TMPRSS11F: variants seen among roughly 807,000 people sequenced by gnomAD.
TMPRSS11F encodes transmembrane protease serine 11F.
In TMPRSS11F, 47 loss-of-function variants were observed where a neutral mutation model predicts 60.2. The observed-to-expected ratio is 0.78, with a 90% CI of 0.62 to 1.00. The LOEUF is 1.00. Ranked by LOEUF, TMPRSS11F falls within the 50% of genes least tolerant of loss-of-function variation. The probability of loss-of-function intolerance (pLI) is 0.00; values close to 1 mark genes in which losing one functional copy is unlikely to be tolerated. For synonymous variants in TMPRSS11F, 166 were observed against 167.3 expected (o/e 0.99, Z 0.06); for missense variants, 519 against 522.9 (o/e 0.99, Z 0.07).
intron 2 of TMPRSS11F, among the ~76,000 whole-genome samples, chr4:68,097,315 C>T (rs564399508): frequency 5.3e-5 from 8 of 152,178 alleles, no homozygotes; most frequent in Non-Finnish European, 1.0e-4. Flanking sequence ...AGAGCTGGTT[C>T]CTTCTAGACG....
chr4:68,116,760 T>A (rs1407739643), intron 1 of TMPRSS11F, among the ~76,000 whole-genome samples: 1 of 152,160 alleles, frequency 6.6e-6, no homozygotes, highest in Non-Finnish European at 1.5e-5. Flanking sequence ...GTGTCCTCAA[T>A]AAAGAGTATT....
At chr4:68,093,557 T>C (rs992267972) in intron 2 of TMPRSS11F, among the ~76,000 whole-genome samples, 68 of 151,920 alleles carry the variant, frequency 4.5e-4, no homozygotes, top group Non-Finnish European at 9.0e-4. Flanking sequence ...TGGGATCTAA[T>C]TAAACTAAAG....
chr4:68,129,520 T>C (rs1577941720), intron 1 of TMPRSS11F, among the ~76,000 whole-genome samples: 2 of 152,140 alleles, frequency 1.3e-5, no homozygotes, highest in South Asian at 4.1e-4. Flanking sequence ...TTCTTTGAAG[T>C]GTAGGTTTTA....
rs1438391 is a variant in TMPRSS11F at position 68,072,467 on chromosome 4, C to A, written c.370G>T (p.Asp124Tyr). The A allele has an allele frequency of 1.9e-6, 3 of 1,560,694 alleles. No homozygotes were observed. The highest frequency in any genetic ancestry group is 1.2e-5 in the South Asian group (1 of 81,250). Reference protein sequence around the residue: ...IKLSPDEQGVDILIVLIFRYP... With the variant: ...IKLSPDEQGVYILIVLIFRYP... ...CGAAATATGAGCACTATAAGAATAT[C>A]CACACCTTGTTCATCTGGACTGAAG... Residue 124 changes from aspartate to tyrosine, a missense_variant, in exon 5 of 10, where the codon GAT (aspartate) becomes TAT (tyrosine). Physicochemically the swap from Asp to Tyr is radical, Grantham distance 160 (BLOSUM62 -3). Transcript: ENST00000356291.
At chr4:68,108,634 C>T (rs1724348492) in intron 1 of TMPRSS11F, among the ~76,000 whole-genome samples, 1 of 152,156 alleles carries the variant, frequency 6.6e-6, no homozygotes, top group Non-Finnish European at 1.5e-5. Context: ...CTTCATTTTT[C>T]TAATGTCACC....
Position 68,060,598 on chromosome 4 carries a change from C to CTTT in TMPRSS11F, c.1016-1131_1016-1130insAAA, listed in dbSNP as rs1410291699. Among the ~76,000 whole-genome samples the CTTT allele has an allele frequency of 2.4e-3, 317 of 133,192 alleles. 1 individual carries two copies. Among genetic ancestry groups the CTTT allele is most frequent in the African/African-American group, 8.4e-3 (312 of 37,044 alleles). The allele number at this position is 133,192 out of a possible 152,430, so 87.4% of individuals were successfully genotyped here. On this transcript the variant is annotated intron_variant, in intron 8 of 9. Transcript: ENST00000356291. The stretch of plus-strand genomic sequence containing the variant: ...ATCCTTGACAGAAACATAAGTATCT[C>CTTT]TCTTTTTTTTTTTCAGGTTCTAATT...
chr4:68,072,747 T>C (rs1723506817), intron 4 of TMPRSS11F, among the ~76,000 whole-genome samples: 2 of 152,140 alleles, frequency 1.3e-5, no homozygotes, highest in South Asian at 4.1e-4. Flanking sequence ...CTGTCCTTAC[T>C]TAGCTCATAG....
Position 68,129,662 on chromosome 4 carries a change from T to C in TMPRSS11F, c.11+148A>G, listed in dbSNP as rs1417976360. 11 of 647,454 alleles carry C rather than the reference T, an allele frequency of 1.7e-5. No individual in the cohort carries two copies. In the Middle Eastern group the frequency reaches 9.9e-4, roughly 58 times the overall value. The allele number at this position is 647,454 out of a possible 1,614,324, so 40.1% of individuals were successfully genotyped here. On this transcript the variant is annotated intron_variant, in intron 1 of 9. Transcript: ENST00000356291. ...TTCTGATATTTAAAAACAACAACAA[T>C]AAAACTTTAATATAAAATACAATAA... is the stretch of plus-strand genomic sequence containing the variant.
At position 68,064,669 on chromosome 4, in the gene TMPRSS11F, G is replaced by C; in HGVS notation, c.1015+16C>G. ...AGACATTCTTGTGCTAAGAAAATTAGGTTGAAACTGCTCACCATCATCTAC... is the reference window on the plus strand; with the variant it reads ...AGACATTCTTGTGCTAAGAAAATTACGTTGAAACTGCTCACCATCATCTAC... On this transcript the variant is annotated intron_variant, in intron 8 of 9. Coordinates refer to ENST00000356291, the MANE Select transcript of TMPRSS11F (RefSeq NM_207407.2). 6.2e-7 allele frequency: 1 copy of C among 1,610,352 alleles called. No homozygotes were observed. The highest frequency in any genetic ancestry group is 8.5e-7 in the Non-Finnish European group (1 of 1,178,018).
intron 7 of TMPRSS11F, 140 bp from the exon 8 acceptor site, chr4:68,065,084 T>A: frequency 2.6e-6 from 2 of 782,558 alleles, no homozygotes; most frequent in African/African-American, 1.8e-5. Context: ...GATAACATAA[T>A]AGGAAAAAAA....
At chr4:68,100,186 A>G (rs1465072034) in intron 1 of TMPRSS11F, among the ~76,000 whole-genome samples, 1 of 152,144 alleles carries the variant, frequency 6.6e-6, no homozygotes. Flanking sequence ...GTCTCAATAT[A>G]TGTTCAAGAT....
At chr4:68,117,631 G>C (rs986093275) in intron 1 of TMPRSS11F, among the ~76,000 whole-genome samples, 1 of 152,108 alleles carries the variant, frequency 6.6e-6, no homozygotes, top group Non-Finnish European at 1.5e-5. Flanking sequence ...CCTCACATCT[G>C]TTAGGATGGT....
chr4:68,100,736 G>A (rs1178286903), intron 1 of TMPRSS11F, among the ~76,000 whole-genome samples: 3 of 151,978 alleles, frequency 2.0e-5, no homozygotes, highest in South Asian at 2.1e-4. Context: ...TCTGTTTTAC[G>A]GCCTTTCTCT....
At chr4:68,110,675 C>T (rs1000554431) in intron 1 of TMPRSS11F, among the ~76,000 whole-genome samples, 74 of 152,014 alleles carry the variant, frequency 4.9e-4, no homozygotes, top group Admixed American at 3.3e-3. Context: ...ATATTTCTTG[C>T]GAAAATAAAA....
chr4:68,108,899 G>A (rs908186398), intron 1 of TMPRSS11F, among the ~76,000 whole-genome samples: 1 of 152,132 alleles, frequency 6.6e-6, no homozygotes, highest in South Asian at 2.1e-4. Flanking sequence ...CCCAGGACCT[G>A]ACAGAATCAC....
At chr4:68,087,675 C>T (rs983433655) in intron 3 of TMPRSS11F, among the ~76,000 whole-genome samples, 1 of 150,104 alleles carries the variant, frequency 6.7e-6, no homozygotes, top group Non-Finnish European at 1.5e-5. Context: ...TACAAAAAAT[C>T]AACATAAAAC....
At chr4:68,099,059 T>C (rs1348356468) in intron 1 of TMPRSS11F, 21 bp from the exon 2 acceptor site, 5 of 1,592,174 alleles carry the variant, frequency 3.1e-6, no homozygotes, top group African/African-American at 1.4e-5. Context: ...AGAAAGAAAA[T>C]AGAGACAATA....
intron 1 of TMPRSS11F, among the ~76,000 whole-genome samples, chr4:68,107,726 C>G (rs1021325692): frequency 5.3e-5 from 8 of 152,116 alleles, no homozygotes; most frequent in African/African-American, 1.9e-4. Context: ...ATCACGAGGT[C>G]AAGAGATCAA....
In TMPRSS11F at chr4:68,064,890, G is replaced by T. The variant is rs150188649; in HGVS notation, c.810C>A (p.Pro270=). 3.7e-6 allele frequency: 6 copies of T among 1,613,928 alleles called. No homozygotes were observed. Among genetic ancestry groups the T allele is most frequent in the Non-Finnish European group, 5.1e-6 (6 of 1,179,964 alleles). Residue 270 remains proline, a synonymous_variant, in exon 8 of 10, where the codon CCC becomes CCA. Transcript: ENST00000356291. The part of the protein sequence containing the change: ...IATFGATITP[P]AVKRNVRKII... ...TTTTCCTCACATTTCGTTTCACTGC[G>T]GGTGGTGTTATAGTTGCACCAAAAG... is the stretch of plus-strand genomic sequence containing the variant.
Sources: gnomAD v4.1 joint callset for allele counts (sites outside exome capture counted in the v4.1 genomes callset) on GRCh38, gnomAD v4.1.1 for gene constraint, MANE v1.5 for transcripts, NCBI Gene and HGNC (gene_info 2026-07-23, HGNC 2026-07-21) for gene names.